CYP19A1: variants seen among roughly 807,000 people sequenced by gnomAD.
The protein encoded by CYP19A1 is aromatase.
A neutral mutation model predicts 44.4 loss-of-function variants in CYP19A1; 32 were observed. The ratio of observed to expected loss-of-function variants is 0.72; its 90% CI spans 0.54 to 0.97. The LOEUF is 0.97. CYP19A1 is among the 50% of genes least tolerant of loss of function. The probability of loss-of-function intolerance (pLI) is 0.00; values close to 1 mark genes in which losing one functional copy is unlikely to be tolerated. For missense variants in CYP19A1, 598 were observed against 637.8 expected (o/e 0.94, Z 0.67); for synonymous variants, 212 against 215.6 (o/e 0.98, Z 0.14).
chr15:51,323,098 C>A (rs2036553021), intron 1 of CYP19A1, among the ~76,000 whole-genome samples: 1 of 152,262 alleles, frequency 6.6e-6, no homozygotes, highest in African/African-American at 2.4e-5. Flanking sequence ...CTACTGCCTT[C>A]TTCCTGTTTT....
intron 1 of CYP19A1, among the ~76,000 whole-genome samples, chr15:51,271,297 G>A (rs766603268): frequency 2.6e-5 from 4 of 151,986 alleles, no homozygotes; most frequent in African/African-American, 4.8e-5. Context: ...CTCTAACCAG[G>A]CCTGCGAGTC....
In CYP19A1 at chr15:51,209,926, C is replaced by G. The variant is rs1164060827; in HGVS notation, c.*882G>C. On this transcript the variant is annotated 3_prime_UTR_variant, in exon 10 of 10. Transcript: ENST00000396402. ...AAATCAATGTCACATTTACAGTTAT[C>G]TCTTGGTTAGCCACACTAATTGAGC... The G allele has an allele frequency of 5.6e-6, 1 of 177,778 alleles. No homozygotes were observed. Among genetic ancestry groups the G allele is most frequent in the East Asian group, 1.7e-4 (1 of 5,858 alleles). 11.0% of individuals were successfully genotyped at this position (177,778 alleles called of 1,614,324 possible).
At chr15:51,328,462 T>C (rs904551941) in intron 1 of CYP19A1, among the ~76,000 whole-genome samples, 8 of 152,032 alleles carry the variant, frequency 5.3e-5, no homozygotes, top group Non-Finnish European at 8.8e-5. Context: ...CAAACTGTGA[T>C]AGTAACAAAT....
At chr15:51,325,039 A>G (rs918158728) in intron 1 of CYP19A1, among the ~76,000 whole-genome samples, 5 of 152,182 alleles carry the variant, frequency 3.3e-5, no homozygotes, top group African/African-American at 1.2e-4. Context: ...CAAAATAATT[A>G]AGAGAATTCC....
chr15:51,257,461 C>G (rs374226766), intron 1 of CYP19A1, among the ~76,000 whole-genome samples: 1 of 152,198 alleles, frequency 6.6e-6, no homozygotes, highest in Non-Finnish European at 1.5e-5. Context: ...GGGATTTTCC[C>G]TTAGCAATCA....
chr15:51,232,027 C>G (rs2033076320), intron 3 of CYP19A1, among the ~76,000 whole-genome samples: 1 of 152,198 alleles, frequency 6.6e-6, no homozygotes, highest in African/African-American at 2.4e-5. Context: ...TCCTCCATAA[C>G]TGACCAGTCC....
At position 51,241,797 on chromosome 15, in the gene CYP19A1, G is replaced by A. The variant is rs554442992; in HGVS notation, c.145+971C>T. ...AATCTAAAATATCAGGCTGAATCAGGCAGAGAGACAGGCAATTATCTGGAA... is the reference window on the plus strand; with the variant it reads ...AATCTAAAATATCAGGCTGAATCAGACAGAGAGACAGGCAATTATCTGGAA... On this transcript the variant is annotated intron_variant, in intron 2 of 9. Transcript: ENST00000396402. Among the ~76,000 whole-genome samples the A allele has an allele frequency of 3.3e-5, 5 of 152,246 alleles. No individual in the cohort carries two copies. In the South Asian group the frequency reaches 1.0e-3, roughly 32 times the overall value.
chr15:51,301,847 C>T (rs2036121109), intron 1 of CYP19A1, among the ~76,000 whole-genome samples: 1 of 152,160 alleles, frequency 6.6e-6, no homozygotes, highest in Non-Finnish European at 1.5e-5. Context: ...AAAGATAAAA[C>T]AAAACTTATT....
intron 1 of CYP19A1, chr15:51,277,119 G>A (rs2035342163): frequency 6.6e-6 from 1 of 152,152 alleles, no homozygotes; most frequent in African/African-American, 2.4e-5. Flanking sequence ...AAAACTATGT[G>A]TCACTATTTC....
chr15:51,231,099 T>C (rs1425466335), intron 3 of CYP19A1, among the ~76,000 whole-genome samples: 2 of 152,212 alleles, frequency 1.3e-5, no homozygotes. Flanking sequence ...TAACCAGTGA[T>C]CAAATTTAAC....
At chr15:51,302,227 A>G (rs2036128990) in intron 1 of CYP19A1, among the ~76,000 whole-genome samples, 1 of 152,148 alleles carries the variant, frequency 6.6e-6, no homozygotes, top group Non-Finnish European at 1.5e-5. Flanking sequence ...ATCTGGAACT[A>G]TTGTAAATTC....
chr15:51,254,497 C>T (rs1055636416), intron 1 of CYP19A1, among the ~76,000 whole-genome samples: 7 of 152,116 alleles, frequency 4.6e-5, no homozygotes, highest in African/African-American at 1.7e-4. Context: ...CCCCACCCCC[C>T]TCCATTTTTG....
intron 6 of CYP19A1, among the ~76,000 whole-genome samples, chr15:51,216,204 C>T (rs2031559591): frequency 1.3e-5 from 2 of 152,106 alleles, no homozygotes; most frequent in South Asian, 4.2e-4. Context: ...CTTCAGTTTG[C>T]CACAGGAACC....
chr15:51,286,497 G>A (rs2035702890), intron 1 of CYP19A1, among the ~76,000 whole-genome samples: 1 of 152,142 alleles, frequency 6.6e-6, no homozygotes, highest in Admixed American at 6.5e-5. Context: ...CCATCAGCCA[G>A]TATGGTACAA....
At chr15:51,312,245 A>T (rs1424063991) in intron 1 of CYP19A1, 1 of 152,192 alleles carries the variant, frequency 6.6e-6, no homozygotes, top group East Asian at 1.9e-4. Context: ...CAATTTCATC[A>T]TGTTTTCCAG....
intron 1 of CYP19A1, among the ~76,000 whole-genome samples, chr15:51,244,911 A>G (rs901232062): frequency 6.6e-6 from 1 of 152,246 alleles, no homozygotes; most frequent in Non-Finnish European, 1.5e-5. Context: ...AGAAGAAGGC[A>G]AGCACTTTTA....
chr15:51,231,117 C>A (rs1469239079), intron 3 of CYP19A1, among the ~76,000 whole-genome samples: 1 of 152,186 alleles, frequency 6.6e-6, no homozygotes, highest in East Asian at 1.9e-4. Flanking sequence ...AACATCAGTG[C>A]TAGTGGGACA....
rs192287650 is a variant in CYP19A1 at position 51,293,150 on chromosome 15, T to C, written c.-39+45345A>G. 1.1e-3 allele frequency among the ~76,000 whole-genome samples: 168 copies of C among 152,090 alleles called. 1 individual carries two copies. Among genetic ancestry groups the C allele is most frequent in the East Asian group, 9.7e-4 (5 of 5,174 alleles). On this transcript the variant is annotated intron_variant, in intron 1 of 9. Transcript: ENST00000396402. The stretch of plus-strand genomic sequence containing the variant: ...GGGGTGAGGGACAAAATAAAACACA[T>C]TGGGTACGGTGCACACTGCTTGGGT...
At chr15:51,267,566 C>G (rs1266662968) in intron 1 of CYP19A1, among the ~76,000 whole-genome samples, 1 of 152,166 alleles carries the variant, frequency 6.6e-6, no homozygotes, top group Non-Finnish European at 1.5e-5. Context: ...CTGCCCAGGG[C>G]GGAGGGCAGC....
Sources: gnomAD v4.1 joint callset for allele counts (sites outside exome capture counted in the v4.1 genomes callset) on GRCh38, gnomAD v4.1.1 for gene constraint, MANE v1.5 for transcripts, NCBI Gene and HGNC (gene_info 2026-07-23, HGNC 2026-07-21) for gene names.